Variants in KCNMA1 observed in about 807,000 individuals in gnomAD.
KCNMA1 encodes potassium calcium-activated channel subfamily M alpha 1, also known as Calcium-activated potassium channel subunit alpha-1.
Under a neutral mutation model 140.0 loss-of-function variants are expected in KCNMA1, and 29 were observed. The observed-to-expected ratio is 0.21, with a 90% CI of 0.15 to 0.28. The LOEUF is 0.28. Among genes scored for constraint, KCNMA1 ranks in the 10% least tolerant of loss-of-function variants. KCNMA1 has a pLI of 1.00. For synonymous variants in KCNMA1, 612 were observed against 611.9 expected (o/e 1.00, Z 0.00); for missense variants, 880 against 1,602.2 (o/e 0.55, Z 7.70).
rs1337779113 is a variant in KCNMA1, at chr10:76,886,226, C to T, written c.*1040G>A. On this transcript the variant is annotated 3_prime_UTR_variant, in exon 28 of 28. Transcript: ENST00000286628. The stretch of plus-strand genomic sequence containing the variant: ...CCCTTCCTCCTACCTGGCATTGGGG[C>T]CCTAACTAATCAAACAAAGGGGAGT... 2.0e-6 allele frequency: 2 copies of T among 985,226 alleles called. No homozygotes were observed. The highest frequency in any genetic ancestry group is 2.4e-6 in the Non-Finnish European group (2 of 829,914). 61.0% of individuals were successfully genotyped at this position (985,226 alleles called of 1,614,324 possible).
intron 1 of KCNMA1, among the ~76,000 whole-genome samples, chr10:77,454,999 T>C (rs2097733730): frequency 6.6e-6 from 1 of 152,180 alleles, no homozygotes; most frequent in Non-Finnish European, 1.5e-5. Context: ...CCACCACAGG[T>C]ACCTTGTGGC....
chr10:77,592,219 C>T (rs1284955412), intron 1 of KCNMA1, among the ~76,000 whole-genome samples: 1 of 152,030 alleles, frequency 6.6e-6, no homozygotes, highest in Non-Finnish European at 1.5e-5. Context: ...ATATACAGAC[C>T]GCCTATGAAA....
intron 14 of KCNMA1, among the ~76,000 whole-genome samples, chr10:77,041,599 G>A (rs1175445848): frequency 1.3e-5 from 2 of 152,202 alleles, no homozygotes; most frequent in Non-Finnish European, 2.9e-5. Context: ...CACTGCTACC[G>A]GCTTACAATG....
intron 2 of KCNMA1, among the ~76,000 whole-genome samples, chr10:77,395,189 A>T (rs1223904060): frequency 6.6e-6 from 1 of 152,094 alleles, no homozygotes; most frequent in African/African-American, 2.4e-5. Context: ...AGTACAAAAA[A>T]TTTAAGAAAA....
chr10:77,264,841 A>C (rs1453952387), intron 2 of KCNMA1, among the ~76,000 whole-genome samples: 1 of 152,118 alleles, frequency 6.6e-6, no homozygotes, highest in Non-Finnish European at 1.5e-5. Flanking sequence ...TGCTAGAATA[A>C]ATTTCTCTTA....
At chr10:77,446,174 C>T (rs1327810268) in intron 1 of KCNMA1, among the ~76,000 whole-genome samples, 1 of 152,224 alleles carries the variant, frequency 6.6e-6, no homozygotes, top group African/African-American at 2.4e-5. Flanking sequence ...CCCACTCTTA[C>T]AGCCCCTGAT....
At position 76,891,609 on chromosome 10, in the gene KCNMA1, G is replaced by A. The variant is rs1322664718; in HGVS notation, c.3258C>T (p.Tyr1086=). The change falls in exon 26 of 28, where the codon TAC becomes TAT. Residue 1086 remains tyrosine, a synonymous_variant. Transcript: ENST00000286628. ...IAEENALRGG[Y]STPQTLANRD... is the part of the protein sequence containing the mutation. The stretch of plus-strand genomic sequence containing the variant: ...TATTGGCCAGTGTCTGCGGGGTGCT[G>A]TAGCCACCTCTAAGGGCGTTTTCCT... 1.2e-6 allele frequency: 2 copies of A among 1,613,926 alleles called. No individual in the cohort carries two copies. Among genetic ancestry groups the A allele is most frequent in the Non-Finnish European group, 8.5e-7 (1 of 1,180,024 alleles).
At chr10:77,224,384 CTT>C (rs1164667549) in intron 3 of KCNMA1, among the ~76,000 whole-genome samples, 1 of 152,232 alleles carries the variant, frequency 6.6e-6, no homozygotes, top group African/African-American at 2.4e-5. Context: ...ATCTTCTCCT[CTT>C]TTCAGTATAG....
chr10:77,049,218 T>C (rs2095260053), intron 14 of KCNMA1, among the ~76,000 whole-genome samples: 1 of 152,214 alleles, frequency 6.6e-6, no homozygotes, highest in Non-Finnish European at 1.5e-5. Flanking sequence ...TATGACCTTT[T>C]TCAGTTGTCA....
At chr10:77,288,867 C>A (rs1336479847) in intron 2 of KCNMA1, among the ~76,000 whole-genome samples, 1 of 152,104 alleles carries the variant, frequency 6.6e-6, no homozygotes, top group East Asian at 1.9e-4. Flanking sequence ...CATAACATAA[C>A]CTGGAGTTTG....
At chr10:77,439,974 A>G (rs2097361229) in intron 1 of KCNMA1, among the ~76,000 whole-genome samples, 1 of 152,218 alleles carries the variant, frequency 6.6e-6, no homozygotes, top group East Asian at 1.9e-4. Flanking sequence ...CACGCACAGT[A>G]AAGACCCTGC....
At chr10:77,527,293 C>T (rs2056120791) in intron 1 of KCNMA1, among the ~76,000 whole-genome samples, 1 of 152,258 alleles carries the variant, frequency 6.6e-6, no homozygotes, top group Non-Finnish European at 1.5e-5. Context: ...ATAGCCAGGC[C>T]ACCCCCTTCC....
At chr10:77,356,828 T>A (rs2093527600) in intron 2 of KCNMA1, among the ~76,000 whole-genome samples, 1 of 152,154 alleles carries the variant, frequency 6.6e-6, no homozygotes, top group African/African-American at 2.4e-5. Context: ...GTTTGCTCAG[T>A]AAGACTATGA....
At chr10:77,326,507 G>T (rs2084273151) in intron 2 of KCNMA1, among the ~76,000 whole-genome samples, 1 of 147,210 alleles carries the variant, frequency 6.8e-6, no homozygotes, top group African/African-American at 2.4e-5. Flanking sequence ...GTCTGATGGT[G>T]AGGACGAGCG....
intron 3 of KCNMA1, among the ~76,000 whole-genome samples, chr10:77,227,106 T>C (rs1164787178): frequency 6.6e-6 from 1 of 152,132 alleles, no homozygotes; most frequent in Admixed American, 6.5e-5. Flanking sequence ...AATGATTCTG[T>C]GCATGCCATT....
chr10:77,054,994 A>G (rs2095494788), intron 14 of KCNMA1, among the ~76,000 whole-genome samples: 1 of 152,162 alleles, frequency 6.6e-6, no homozygotes, highest in South Asian at 2.1e-4. Context: ...CCCACAGAGA[A>G]TGATTATTGA....
chr10:76,885,204 GTTATATATATAGTTATATATATATAA>G lies in KCNMA1; in HGVS notation c.*2036_*2061del, dbSNP rs2036307680. 1 of 619,952 alleles carries G rather than the reference GTTATATATATAGTTATATATATATAA, an allele frequency of 1.6e-6. No individual in the cohort carries two copies. The highest frequency in any genetic ancestry group is 7.2e-5 in the South Asian group (1 of 13,794). 38.4% of individuals were successfully genotyped at this position (619,952 alleles called of 1,614,324 possible). Reference sequence around the variant, plus strand: ...CAATACTAGGGGATACATATATATAGTTATATATATAGTTATATATATATAATTATATAGTTATATATATATAATTA... The same window carrying G: ...CAATACTAGGGGATACATATATATAGTTATATAGTTATATATATATAATTA... On this transcript the variant is annotated 3_prime_UTR_variant, in exon 28 of 28. Transcript: ENST00000286628.
Position 77,272,738 on chromosome 10 carries a change from T to C in KCNMA1, c.541-21482A>G, listed in dbSNP as rs1565640578. Among the ~76,000 whole-genome samples the C allele has an allele frequency of 2.6e-5, 4 of 152,328 alleles. No individual in the cohort carries two copies. In the South Asian group the frequency reaches 8.3e-4, roughly 32 times the overall value. On this transcript the variant is annotated intron_variant, in intron 2 of 27. Coordinates refer to ENST00000286628, the MANE Select transcript of KCNMA1 (RefSeq NM_001161352.2). ...CTGTTTTCCAGTCCAAGTGTAAAAC[T>C]GTAAAGAATAATGCTAAATGTTAGA...
rs1342941141 is a variant in KCNMA1 at position 77,637,506 on chromosome 10, G to C, written c.137C>G (p.Ser46Cys). ...LDASSSSSSS[S>C]SSSSSSSSSS... Reference sequence around the variant, plus strand: ...GGAGGAGGAAGAAGAAGAAGAGGAAGAGGAGGAGGAGGAGGAGGAGGACGC... The same window carrying C: ...GGAGGAGGAAGAAGAAGAAGAGGAACAGGAGGAGGAGGAGGAGGAGGACGC... The change falls in exon 1 of 28, where the codon TCT (serine) becomes TGT (cysteine). Residue 46 changes from serine to cysteine, a missense_variant. Coordinates refer to ENST00000286628, the MANE Select transcript of KCNMA1 (RefSeq NM_001161352.2). 7.1e-7 allele frequency: 1 copy of C among 1,412,788 alleles called. No individual in the cohort carries two copies. Among genetic ancestry groups the C allele is most frequent in the African/African-American group, 1.4e-5 (1 of 70,194 alleles). The allele number at this position is 1,412,788 out of a possible 1,614,324, so 87.5% of individuals were successfully genotyped here.
Sources: gnomAD v4.1 joint callset for allele counts (sites outside exome capture counted in the v4.1 genomes callset) on GRCh38, gnomAD v4.1.1 for gene constraint, MANE v1.5 for transcripts, NCBI Gene and HGNC (gene_info 2026-07-23, HGNC 2026-07-21) for gene names.